Variants in ENTREP2 observed in about 807,000 individuals in gnomAD.
ENTREP2 encodes the protein protein ENTREP2.
At chr15:29,141,367 C>G in the ENTREP2 span, among the ~76,000 whole-genome samples, 3 of 152,214 alleles carry the variant, frequency 2.0e-5, no homozygotes, top group Non-Finnish European at 2.9e-5. Flanking sequence ...CACACAGACC[C>G]AGACAGCAGT....
At chr15:29,589,538 TC>T in the ENTREP2 span, among the ~76,000 whole-genome samples, 1 of 152,130 alleles carries the variant, frequency 6.6e-6, no homozygotes, top group Non-Finnish European at 1.5e-5. Context: ...CATATCATCT[TC>T]CAGATGGTGC....
At chr15:29,497,945 C>T in the ENTREP2 span, among the ~76,000 whole-genome samples, 2 of 152,132 alleles carry the variant, frequency 1.3e-5, no homozygotes, top group African/African-American at 4.8e-5. Context: ...ACTTTTGCTG[C>T]ATCACCTATG....
At chr15:29,347,309 C>A in the ENTREP2 span, among the ~76,000 whole-genome samples, 1 of 152,110 alleles carries the variant, frequency 6.6e-6, no homozygotes, top group South Asian at 2.1e-4. Context: ...ACTATAGGCC[C>A]ATGCCATTGT....
chr15:29,251,958 A>G, the ENTREP2 span, among the ~76,000 whole-genome samples: 1 of 152,188 alleles, frequency 6.6e-6, no homozygotes, highest in Non-Finnish European at 1.5e-5. Flanking sequence ...GTTTTGATAT[A>G]TTCGTCATCC....
At chr15:29,126,469 G>A in the ENTREP2 span, 2 of 1,550,186 alleles carry the variant, frequency 1.3e-6, no homozygotes, top group Non-Finnish European at 8.7e-7. Context: ...CGGACACCAG[G>A]AGGCTTGTGC....
the ENTREP2 span, among the ~76,000 whole-genome samples, chr15:29,643,998 G>C: frequency 6.6e-6 from 1 of 152,032 alleles, no homozygotes; most frequent in Non-Finnish European, 1.5e-5. Context: ...AATGTTCAAA[G>C]CAGCATTATT....
At chr15:29,486,255 G>T in the ENTREP2 span, among the ~76,000 whole-genome samples, 1 of 152,018 alleles carries the variant, frequency 6.6e-6, no homozygotes, top group African/African-American at 2.4e-5. Context: ...TAATAACATG[G>T]ATAAGCCTGA....
At chr15:29,552,244 A>G in the ENTREP2 span, among the ~76,000 whole-genome samples, 32 of 152,214 alleles carry the variant, frequency 2.1e-4, no homozygotes, top group African/African-American at 6.8e-4. Context: ...GGGAGACAGA[A>G]GGGGAAATGT....
chr15:29,384,511 C>G, the ENTREP2 span, among the ~76,000 whole-genome samples: 5 of 152,162 alleles, frequency 3.3e-5, no homozygotes, highest in Non-Finnish European at 7.3e-5. Context: ...AACCGCATCA[C>G]CCTGGCCTGA....
At chr15:29,427,705 C>T in the ENTREP2 span, among the ~76,000 whole-genome samples, 1 of 152,184 alleles carries the variant, frequency 6.6e-6, no homozygotes, top group African/African-American at 2.4e-5. Flanking sequence ...ATAACCTCCC[C>T]ATCTCCAAAC....
the ENTREP2 span, among the ~76,000 whole-genome samples, chr15:29,285,279 T>C: frequency 2.6e-5 from 4 of 152,136 alleles, no homozygotes; most frequent in African/African-American, 9.7e-5. Flanking sequence ...TTCTTCCTTT[T>C]CTCTTGCTCT....
the ENTREP2 span, among the ~76,000 whole-genome samples, chr15:29,457,328 A>G: frequency 1.1e-3 from 163 of 152,328 alleles, no homozygotes; most frequent in African/African-American, 3.8e-3. Context: ...ATTGTACTGA[A>G]TAACAGCTTT....
chr15:29,381,227 TG>T, the ENTREP2 span, among the ~76,000 whole-genome samples: 1 of 145,390 alleles, frequency 6.9e-6, no homozygotes, highest in Non-Finnish European at 1.5e-5. Context: ...GAGGCCAAGG[TG>T]GGTGGATCAC....
At chr15:29,477,144 G>C in the ENTREP2 span, among the ~76,000 whole-genome samples, 1 of 152,128 alleles carries the variant, frequency 6.6e-6, no homozygotes, top group Admixed American at 6.5e-5. Flanking sequence ...AAGTGTAAGA[G>C]ATCAGACACT....
chr15:29,520,707 T>C, the ENTREP2 span, among the ~76,000 whole-genome samples: 2 of 152,292 alleles, frequency 1.3e-5, no homozygotes, highest in African/African-American at 4.8e-5. Context: ...TAAGTGAGTT[T>C]AGGTTAGCAG....
At chr15:29,470,510 A>C in the ENTREP2 span, among the ~76,000 whole-genome samples, 9 of 152,246 alleles carry the variant, frequency 5.9e-5, no homozygotes, top group African/African-American at 2.2e-4. Flanking sequence ...TCACTCGGAC[A>C]ACCAGGGCCC....
At chr15:29,535,111 A>C in the ENTREP2 span, among the ~76,000 whole-genome samples, 1 of 152,046 alleles carries the variant, frequency 6.6e-6, no homozygotes. Flanking sequence ...CTAGCCGGGC[A>C]TGGTGGGGCA....
At chr15:29,176,048 A>C in the ENTREP2 span, among the ~76,000 whole-genome samples, 1 of 152,396 alleles carries the variant, frequency 6.6e-6, no homozygotes, top group East Asian at 1.9e-4. Flanking sequence ...AAAAGAATGA[A>C]GAGACACTGG....
At chr15:29,230,067 A>G in the ENTREP2 span, among the ~76,000 whole-genome samples, 1 of 152,120 alleles carries the variant, frequency 6.6e-6, no homozygotes, top group Non-Finnish European at 1.5e-5. Flanking sequence ...AGACACCTGG[A>G]TATCATACTC....
Sources: gnomAD v4.1 joint callset for allele counts (sites outside exome capture counted in the v4.1 genomes callset) on GRCh38, gnomAD v4.1.1 for gene constraint, MANE v1.5 for transcripts, NCBI Gene and HGNC (gene_info 2026-07-23, HGNC 2026-07-21) for gene names.